Variants in LINGO2 observed in about 807,000 individuals in gnomAD.
LINGO2 encodes leucine-rich repeat and immunoglobulin-like domain-containing nogo receptor-interacting protein 2.
A neutral mutation model predicts 30.6 loss-of-function variants in LINGO2; 14 were observed. The ratio of observed to expected loss-of-function variants is 0.46; its 90% confidence interval spans 0.30 to 0.72. The LOEUF (loss-of-function observed/expected upper bound fraction) is 0.72, where lower values mean the gene tolerates loss of function less well. Ranked by LOEUF, LINGO2 falls within the 30% of genes least tolerant of loss-of-function variation. The pLI, the probability that LINGO2 is intolerant of heterozygous loss-of-function variation, is 0.07. For missense variants in LINGO2, 729 were observed against 751.7 expected (o/e 0.97, Z 0.35); for synonymous variants, 317 against 288.5 (o/e 1.10, Z -1.00).
At chr9:28,882,301 A>G in the LINGO2 span, among the ~76,000 whole-genome samples, 1 of 152,224 alleles carries the variant, frequency 6.6e-6, no homozygotes, top group African/African-American at 2.4e-5. Context: ...TTCACAATAG[A>G]TGAAGAGATG....
the LINGO2 span, among the ~76,000 whole-genome samples, chr9:28,813,966 T>C: frequency 6.6e-6 from 1 of 152,190 alleles, no homozygotes; most frequent in Admixed American, 6.5e-5. Flanking sequence ...TAAATGAAGA[T>C]GTAAAAAGAA....
intron 3 of LINGO2, among the ~76,000 whole-genome samples, chr9:28,308,003 G>A (rs1463517019): frequency 6.6e-6 from 1 of 151,288 alleles, no homozygotes; most frequent in African/African-American, 2.4e-5. Flanking sequence ...TGGCCATACT[G>A]CCCAAGGTAA....
At chr9:28,977,249 AT>A in the LINGO2 span, among the ~76,000 whole-genome samples, 2 of 152,114 alleles carry the variant, frequency 1.3e-5, no homozygotes, top group South Asian at 4.1e-4. Flanking sequence ...AATAAGGGGC[AT>A]TTGTCTATAT....
At chr9:28,593,851 A>G (rs1231097575) in intron 1 of LINGO2, among the ~76,000 whole-genome samples, 1 of 152,108 alleles carries the variant, frequency 6.6e-6, no homozygotes, top group Non-Finnish European at 1.5e-5. Context: ...GCTTTTAGTC[A>G]AATGAAAAAG....
At chr9:28,220,290 T>TTTCAAACCATAAAGGACTTATGG (rs1383848784) in intron 4 of LINGO2, among the ~76,000 whole-genome samples, 2 of 152,136 alleles carry the variant, frequency 1.3e-5, no homozygotes, top group Non-Finnish European at 2.9e-5. Context: ...ACACAACATT[T>TTTCAAACCATAAAGGACTTATGG]TTCAAACTCT....
At chr9:28,723,514 C>T in the LINGO2 span, among the ~76,000 whole-genome samples, 1 of 152,018 alleles carries the variant, frequency 6.6e-6, no homozygotes, top group African/African-American at 2.4e-5. Context: ...AGTGGGGTAC[C>T]TTCTCTTGGT....
At chr9:28,216,894 G>T (rs1820786055) in intron 4 of LINGO2, among the ~76,000 whole-genome samples, 1 of 151,656 alleles carries the variant, frequency 6.6e-6, no homozygotes, top group Non-Finnish European at 1.5e-5. Context: ...TGATATTCAG[G>T]TGATATTTTA....
chr9:28,591,326 A>T lies in LINGO2; in HGVS notation c.-365+78874T>A, dbSNP rs80319690. On this transcript the variant is annotated intron_variant, in intron 1 of 5. Transcript: ENST00000379992. Reference sequence around the variant, plus strand: ...AGTATAATAAAAATATATATATATAAAAGTCACTGATTGGGAGATTCCTGT... The same window carrying T: ...AGTATAATAAAAATATATATATATATAAGTCACTGATTGGGAGATTCCTGT... Among the ~76,000 whole-genome samples, 1,507 of 152,018 alleles carry T rather than the reference A, an allele frequency of 9.9e-3. 26 individuals are homozygous for T. Among genetic ancestry groups the T allele is most frequent in the African/African-American group, 0.032 (1,333 of 41,488 alleles).
At chr9:28,845,009 C>T in the LINGO2 span, among the ~76,000 whole-genome samples, 1 of 151,890 alleles carries the variant, frequency 6.6e-6, no homozygotes, top group Non-Finnish European at 1.5e-5. Context: ...TGAGGACTGA[C>T]AAGTTCCCTG....
intron 5 of LINGO2, among the ~76,000 whole-genome samples, chr9:27,979,658 T>C (rs1005820977): frequency 6.6e-6 from 1 of 151,942 alleles, no homozygotes; most frequent in Admixed American, 6.6e-5. Flanking sequence ...TTACATAAAG[T>C]AGAATCCTAT....
intron 1 of LINGO2, among the ~76,000 whole-genome samples, chr9:28,507,796 A>T (rs1363890750): frequency 6.6e-6 from 1 of 152,096 alleles, no homozygotes; most frequent in Non-Finnish European, 1.5e-5. Flanking sequence ...TATTAAAAAG[A>T]TTTATAATGA....
chr9:28,196,583 C>T (rs1243420411), intron 4 of LINGO2, among the ~76,000 whole-genome samples: 2 of 151,748 alleles, frequency 1.3e-5, no homozygotes, highest in African/African-American at 2.4e-5. Context: ...TTAATTTTTA[C>T]TAAGAAACAG....
At chr9:28,875,850 T>A in the LINGO2 span, among the ~76,000 whole-genome samples, 2 of 152,150 alleles carry the variant, frequency 1.3e-5, no homozygotes, top group Non-Finnish European at 2.9e-5. Flanking sequence ...TTCTAATCGA[T>A]CTTTATATTT....
chr9:28,897,994 A>G, the LINGO2 span, among the ~76,000 whole-genome samples: 1 of 152,140 alleles, frequency 6.6e-6, no homozygotes, highest in Non-Finnish European at 1.5e-5. Context: ...TATTCAGAAG[A>G]GGACAAAGGA....
the LINGO2 span, among the ~76,000 whole-genome samples, chr9:28,912,188 A>G: frequency 1.4e-3 from 208 of 152,272 alleles, 1 homozygote; most frequent in African/African-American, 4.7e-3. Flanking sequence ...TAATTTATCA[A>G]TAAAGCTAAA....
At chr9:28,173,451 CT>C (rs961699940) in intron 4 of LINGO2, among the ~76,000 whole-genome samples, 3 of 152,102 alleles carry the variant, frequency 2.0e-5, no homozygotes, top group Admixed American at 1.3e-4. Context: ...TAAAACTCTT[CT>C]TTTTATTGAG....
the LINGO2 span, among the ~76,000 whole-genome samples, chr9:28,835,217 C>A: frequency 1.3e-5 from 2 of 152,080 alleles, no homozygotes; most frequent in East Asian, 1.9e-4. Flanking sequence ...ACAAAAGATT[C>A]TTGATATATA....
At chr9:28,003,342 T>C (rs553770594) in intron 5 of LINGO2, among the ~76,000 whole-genome samples, 2 of 141,642 alleles carry the variant, frequency 1.4e-5, no homozygotes, top group East Asian at 2.4e-4. Flanking sequence ...TATATAGATA[T>C]ATAGATAGAT....
chr9:28,257,204 A>T (rs756861231), intron 4 of LINGO2, among the ~76,000 whole-genome samples: 27 of 151,754 alleles, frequency 1.8e-4, no homozygotes, highest in Non-Finnish European at 3.7e-4. Flanking sequence ...ATTCATTTTG[A>T]TTTTAAATGT....
Sources: gnomAD v4.1 joint callset for allele counts (sites outside exome capture counted in the v4.1 genomes callset) on GRCh38, gnomAD v4.1.1 for gene constraint, MANE v1.5 for transcripts, NCBI Gene and HGNC (gene_info 2026-07-23, HGNC 2026-07-21) for gene names.